The following PLEKHG1 variants were observed in gnomAD, a reference collection of about 807,000 sequenced individuals.
PLEKHG1 encodes pleckstrin homology domain-containing family G member 1.
A neutral mutation model predicts 100.8 loss-of-function variants in PLEKHG1; 44 were observed. The ratio of observed to expected loss-of-function variants is 0.44; its 90% CI spans 0.34 to 0.56. The LOEUF (loss-of-function observed/expected upper bound fraction) is 0.56. Ranked by LOEUF, PLEKHG1 falls within the 20% of genes least tolerant of loss-of-function variation. PLEKHG1 has a pLI of 0.01. For missense variants in PLEKHG1, 1,545 were observed against 1,720.9 expected (o/e 0.90, Z 1.81); for synonymous variants, 640 against 662.5 (o/e 0.97, Z 0.52).
At chr6:150,837,101 G>T (rs1777265701) in intron 15 of PLEKHG1, among the ~76,000 whole-genome samples, 1 of 152,186 alleles carries the variant, frequency 6.6e-6, no homozygotes, top group South Asian at 2.1e-4. Context: ...GGTAGATGTT[G>T]CAGTGAGCCA....
chr6:150,733,361 C>T lies in PLEKHG1; in HGVS notation c.-98-223C>T, dbSNP rs183434183. Among the ~76,000 whole-genome samples the T allele has an allele frequency of 2.5e-3, 384 of 152,216 alleles. 5 individuals carry two copies. The highest frequency in any genetic ancestry group is 9.1e-3 in the Admixed American group (139 of 15,278). ...AAGTGCACACTCAAGTTCAGCAGGT[C>T]GAGGTCAGAGCCCGAGACACCACAT... On this transcript the variant is annotated intron_variant, in intron 1 of 15. Coordinates refer to ENST00000358517, the Ensembl canonical transcript of PLEKHG1.
At chr6:150,784,763 A>G (rs1785512729) in intron 3 of PLEKHG1, among the ~76,000 whole-genome samples, 1 of 152,234 alleles carries the variant, frequency 6.6e-6, no homozygotes, top group Non-Finnish European at 1.5e-5. Context: ...ATCTTGAAAA[A>G]AGAAAAAAAA....
intron 1 of PLEKHG1, among the ~76,000 whole-genome samples, chr6:150,726,747 A>G (rs1781982477): frequency 6.6e-6 from 1 of 152,196 alleles, no homozygotes; most frequent in Non-Finnish European, 1.5e-5. Flanking sequence ...TAACATGCTG[A>G]ACACTAGAGA....
At chr6:150,730,421 G>T in intron 1 of PLEKHG1, among the ~76,000 whole-genome samples, 1 of 152,032 alleles carries the variant, frequency 6.6e-6, no homozygotes, top group Non-Finnish European at 1.5e-5. Context: ...CATAAGGATC[G>T]TGCAACCTAG....
At chr6:150,742,747 TC>T (rs1782947153) in intron 2 of PLEKHG1, among the ~76,000 whole-genome samples, 2 of 151,992 alleles carry the variant, frequency 1.3e-5, no homozygotes, top group African/African-American at 2.4e-5. Context: ...GGGACACAGA[TC>T]CAAACTATAT....
intron 3 of PLEKHG1, among the ~76,000 whole-genome samples, chr6:150,692,209 T>TGTATGTACAAAG (rs1780371798): frequency 6.6e-6 from 1 of 152,224 alleles, no homozygotes; most frequent in Non-Finnish European, 1.5e-5. Flanking sequence ...CTGAAAGTAT[T>TGTATGTACAAAG]TTATGTTTGT....
rs138526398 is a variant in PLEKHG1 at position 150,703,650 on chromosome 6, T to G, written c.-98-29934T>G. 7.7e-3 allele frequency among the ~76,000 whole-genome samples: 1,167 copies of G among 151,360 alleles called. 19 individuals carry two copies. The highest frequency in any genetic ancestry group is 0.028 in the African/African-American group (1,123 of 40,768). ...TTTTTCTACTTGAAGAGCTACTTCC[T>G]ACAGTATTAAAAAAAATCAGTCTAG... On this transcript the variant is annotated intron_variant, in intron 3 of 3. Transcript: ENST00000367326.
chr6:150,812,525 T>C (rs1249111160), intron 10 of PLEKHG1, among the ~76,000 whole-genome samples: 1 of 152,090 alleles, frequency 6.6e-6, no homozygotes, highest in Non-Finnish European at 1.5e-5. Flanking sequence ...GCAGATTTTA[T>C]ATTTGGCAAC....
chr6:150,728,104 T>C (rs181108826), intron 1 of PLEKHG1, among the ~76,000 whole-genome samples: 10 of 152,134 alleles, frequency 6.6e-5, no homozygotes, highest in Admixed American at 3.9e-4. Flanking sequence ...ATAAGTGGAG[T>C]AAAAAACAAA....
At chr6:150,762,416 T>C (rs9383840) in intron 2 of PLEKHG1, among the ~76,000 whole-genome samples, 60,016 of 151,192 alleles carry the variant, frequency 0.4, 15,645 homozygotes, top group African/African-American at 0.73. Context: ...CCAGGCTGGT[T>C]TCGAGCTGCT....
intron 7 of PLEKHG1, among the ~76,000 whole-genome samples, chr6:150,805,863 T>C (rs2128666854): frequency 6.6e-6 from 1 of 152,216 alleles, no homozygotes; most frequent in East Asian, 1.9e-4. Context: ...AGAAGTTTGC[T>C]AAAGGCCTAT....
intron 1 of PLEKHG1, among the ~76,000 whole-genome samples, chr6:150,632,769 G>A (rs1048049354): frequency 3.3e-5 from 5 of 152,260 alleles, no homozygotes; most frequent in African/African-American, 9.6e-5. Flanking sequence ...TTAACTTCAA[G>A]TGATGTTTTA....
At chr6:150,662,182 A>T (rs4577811) in intron 3 of PLEKHG1, among the ~76,000 whole-genome samples, 2 of 152,106 alleles carry the variant, frequency 1.3e-5, no homozygotes, top group East Asian at 3.9e-4. Context: ...CCTGTCAGTC[A>T]GCTCCTAATC....
At chr6:150,784,995 C>A (rs1358375992) in intron 3 of PLEKHG1, among the ~76,000 whole-genome samples, 1 of 150,102 alleles carries the variant, frequency 6.7e-6, no homozygotes, top group Non-Finnish European at 1.5e-5. Context: ...CCCAGGAAGA[C>A]CTGCCTGGTT....
intron 2 of PLEKHG1, among the ~76,000 whole-genome samples, chr6:150,768,341 T>TA (rs1167579656): frequency 6.6e-6 from 1 of 152,214 alleles, no homozygotes; most frequent in African/African-American, 2.4e-5. Flanking sequence ...GATGTGGTTA[T>TA]ACCAAAACTG....
intron 3 of PLEKHG1, among the ~76,000 whole-genome samples, chr6:150,669,630 CTT>C: frequency 8.1e-6 from 1 of 123,766 alleles, no homozygotes. Flanking sequence ...GAGTTTTGCT[CTT>C]GTTGCCCAGG....
rs114833947 is a variant in PLEKHG1 at position 150,738,213 on chromosome 6, G to A, written c.411+4121G>A. On this transcript the variant is annotated intron_variant, in intron 2 of 15. Coordinates refer to ENST00000358517, the Ensembl canonical transcript of PLEKHG1. ...CTACAGTAGCATGATTTCTGACTTT[G>A]TACACTCTGCTTTATTGAATCTCCT... is the stretch of plus-strand genomic sequence containing the variant. 6.7e-3 allele frequency among the ~76,000 whole-genome samples: 1,020 copies of A among 152,148 alleles called. 16 individuals are homozygous for A. The highest frequency in any genetic ancestry group is 0.023 in the African/African-American group (954 of 41,512).
intron 2 of PLEKHG1, among the ~76,000 whole-genome samples, chr6:150,639,474 A>C (rs275345): frequency 0.25 from 38,605 of 151,782 alleles, 4,869 homozygotes; most frequent in South Asian, 0.29. Context: ...TCCTCTGGTG[A>C]TCTAGAACAC....
chr6:150,730,132 T>C (rs913993281), intron 1 of PLEKHG1, among the ~76,000 whole-genome samples: 1 of 152,178 alleles, frequency 6.6e-6, no homozygotes, highest in Non-Finnish European at 1.5e-5. Flanking sequence ...AAGAGTTTTG[T>C]AACTGTGTGA....
Sources: gnomAD v4.1 joint callset for allele counts (sites outside exome capture counted in the v4.1 genomes callset) on GRCh38, gnomAD v4.1.1 for gene constraint, MANE v1.5 for transcripts, NCBI Gene and HGNC (gene_info 2026-07-23, HGNC 2026-07-21) for gene names.